Variants in ABCA9 observed in about 807,000 individuals in gnomAD.
The protein encoded by ABCA9 is ATP-binding cassette sub-family A member 9.
A neutral mutation model predicts 205.3 loss-of-function variants in ABCA9; 183 were observed. The ratio of observed to expected loss-of-function variants is 0.89; its 90% CI spans 0.79 to 1.01. The LOEUF (loss-of-function observed/expected upper bound fraction) is 1.01, where lower values mean the gene tolerates loss of function less well. ABCA9 is among the 50% of genes least tolerant of loss of function. ABCA9 has a pLI of 0.00. For missense variants in ABCA9, 1,805 were observed against 1,912.4 expected (o/e 0.94, Z 1.05); for synonymous variants, 651 against 683.3 (o/e 0.95, Z 0.74).
rs547401577 is a variant in ABCA9 at position 68,978,042 on chromosome 17, G to A, written c.4721-1852C>T. ...GATATTCTTGTTAACTTTCTGTCTC[G>A]ATCTGTCTAATGTTGACAGTGGGGT... On this transcript the variant is annotated intron_variant, in intron 37 of 38. Transcript: ENST00000340001. Among the ~76,000 whole-genome samples, 22 of 152,212 alleles carry A rather than the reference G, an allele frequency of 1.4e-4. 1 individual carries two copies. The highest frequency in any genetic ancestry group is 4.6e-4 in the African/African-American group (19 of 41,528).
chr17:68,986,207 C>T lies in ABCA9; in HGVS notation c.4165G>A (p.Val1389Met), dbSNP rs762421040. The T allele has an allele frequency of 2.2e-5, 36 of 1,613,276 alleles. No individual in the cohort carries two copies. The highest frequency in any genetic ancestry group is 1.7e-4 in the South Asian group (15 of 90,906). ...VRQHLEVYAAVKGLRKGDAMI... is the reference protein window; with the variant it reads ...VRQHLEVYAAMKGLRKGDAMI... ...GCGTCCCCTTTCCTGAGACCTTTCA[C>T]GGCAGCGTACACCTCCAGGTGCTGC... The change falls in exon 32 of 39, where the codon GTG (valine) becomes ATG (methionine). Residue 1389 changes from valine (V) to methionine (M), a missense_variant. Coordinates refer to ENST00000340001, the MANE Select transcript of ABCA9 (RefSeq NM_080283.4).
rs531115649 is a variant in ABCA9, at chr17:69,019,255, A to T, written c.2601-676T>A. 3.9e-5 allele frequency among the ~76,000 whole-genome samples: 6 copies of T among 152,260 alleles called. No individual in the cohort carries two copies. In the South Asian group the frequency reaches 1.2e-3, roughly 32 times the overall value. ...GCACAATTACCCAATTAAGCTTCTTAACATTTTGTTGACATTATGTCAATT... is the reference window on the plus strand; with the variant it reads ...GCACAATTACCCAATTAAGCTTCTTTACATTTTGTTGACATTATGTCAATT... On this transcript the variant is annotated intron_variant, in intron 19 of 38. Coordinates refer to ENST00000340001, the MANE Select transcript of ABCA9 (RefSeq NM_080283.4).
intron 25 of ABCA9, among the ~76,000 whole-genome samples, chr17:68,999,179 G>A (rs1207597528): frequency 1.3e-5 from 2 of 149,372 alleles, no homozygotes; most frequent in Non-Finnish European, 3.0e-5. Context: ...ACATTGTGCA[G>A]GTTAGTTACA....
At position 68,982,764 on chromosome 17, in the gene ABCA9, G is replaced by A. The variant is rs142479076; in HGVS notation, c.4641-123C>T. ...CCATGCCTGTAACCACTGCAATTTG[G>A]GAGGCCAAGAAGGGAAGATTGCTTG... On this transcript the variant is annotated intron_variant, in intron 36 of 38. Transcript: ENST00000340001. 409 of 683,614 alleles carry A rather than the reference G, an allele frequency of 6.0e-4. 1 individual carries two copies. In the African/African-American group the frequency reaches 6.4e-3, roughly 11 times the overall value. 42.3% of individuals were successfully genotyped at this position (683,614 alleles called of 1,614,324 possible).
rs573434075 is a variant in ABCA9, at chr17:69,001,090, T to C, written c.3436-5076A>G. ...ACAGGGACAATTTGACTTCCTCTTT[T>C]CCTAACTGAATACCCTTTATTTCCT... On this transcript the variant is annotated intron_variant, in intron 25 of 38. Transcript: ENST00000340001. Among the ~76,000 whole-genome samples, 663 of 152,168 alleles carry C rather than the reference T, an allele frequency of 4.4e-3. 6 individuals carry two copies. The highest frequency in any genetic ancestry group is 0.015 in the African/African-American group (635 of 41,456).
chr17:69,045,201 G>C lies in ABCA9; in HGVS notation c.440C>G (p.Pro147Arg). The C allele has an allele frequency of 6.2e-7, 1 of 1,612,616 alleles. No homozygotes were observed. The highest frequency in any genetic ancestry group is 8.5e-7 in the Non-Finnish European group (1 of 1,179,420). The change falls in exon 4 of 39, where the codon CCC (proline) becomes CGC (arginine). Residue 147 changes from proline (P) to arginine (R), a missense_variant. By Grantham distance (103) the Pro-to-Arg change is moderately radical (BLOSUM62 -2). Transcript: ENST00000340001. ...ATGGTCTCTGTGCTCTTTCATCATG[G>C]GGATTCTATGTCCCCAAGAAAACTT... ...HLKFSWGHRI[P>R]MMKEHRDHSA...
At chr17:69,033,303 C>CAAAAAAAAAAAAAAAAAAAA (rs374917872) in intron 9 of ABCA9, 1 of 86,842 alleles carries the variant, frequency 1.2e-5, no homozygotes, top group Non-Finnish European at 2.1e-5. Context: ...CGAGACTTCT[C>CAAAAAAAAAAAAAAAAAAAA]AAAAAAAAAA....
Position 68,982,608 on chromosome 17 carries a change from A to T in ABCA9, c.4674T>A (p.Val1558=). The T allele has an allele frequency of 6.2e-7, 1 of 1,614,106 alleles. No individual in the cohort carries two copies. Among genetic ancestry groups the T allele is most frequent in the Non-Finnish European group, 8.5e-7 (1 of 1,179,956 alleles). The change falls in exon 37 of 39, where the codon GTT becomes GTA. Residue 1558 remains valine, a synonymous_variant. Coordinates refer to ENST00000340001, the MANE Select transcript of ABCA9 (RefSeq NM_080283.4). The part of the protein sequence containing the change: ...FSSLMVYKLP[V]EDVRPLSQAF... ...CCTGTGATAAAGGTCGCACATCCTC[A>T]ACAGGCAACTTATAGACCATCAGGG...
intron 19 of ABCA9, among the ~76,000 whole-genome samples, chr17:69,019,495 C>T (rs2070743828): frequency 6.6e-6 from 1 of 152,124 alleles, no homozygotes; most frequent in Non-Finnish European, 1.5e-5. Context: ...CTCTCTTCTT[C>T]AAAATCTCCC....
At chr17:69,063,005 A>T (rs1164942676), upstream of ABCA9, among the ~76,000 whole-genome samples, 1 of 152,200 alleles carries the variant, frequency 6.6e-6, no homozygotes, top group Non-Finnish European at 1.5e-5. Context: ...CCCATGAGGT[A>T]GGCATTATTC....
chr17:69,011,544 A>G (rs989383672), intron 23 of ABCA9, among the ~76,000 whole-genome samples: 1 of 152,172 alleles, frequency 6.6e-6, no homozygotes, highest in Admixed American at 6.6e-5. Context: ...TTTATTTTTT[A>G]AAAACTCACA....
At chr17:69,007,280 A>G (rs1285239678) in intron 25 of ABCA9, among the ~76,000 whole-genome samples, 3 of 152,140 alleles carry the variant, frequency 2.0e-5, no homozygotes, top group African/African-American at 7.2e-5. Flanking sequence ...GCACACCTGT[A>G]ATCCTAGCTA....
intron 25 of ABCA9, among the ~76,000 whole-genome samples, chr17:69,005,499 A>G (rs1224714548): frequency 1.3e-5 from 2 of 152,152 alleles, no homozygotes; most frequent in Non-Finnish European, 2.9e-5. Flanking sequence ...TCAGTCACTC[A>G]TGTATACCTT....
rs1238311581 is a variant in ABCA9, at chr17:69,018,464, C to G, written c.2716G>C (p.Gly906Arg). Residue 906 changes from glycine to arginine, a missense_variant, in exon 20 of 39, where the codon GGA becomes CGA. Coordinates refer to ENST00000340001, the MANE Select transcript of ABCA9 (RefSeq NM_080283.4). ...LSPNTYFLSP[G>R]QQPQDPLTHL... ...GTCAGAGGATCCTGTGGTTGTTGTC[C>G]TGGTGAGAGGAAGTATGTATTTGGA... 1.2e-6 allele frequency: 2 copies of G among 1,607,030 alleles called. No individual in the cohort carries two copies. Among genetic ancestry groups the G allele is most frequent in the South Asian group, 2.2e-5 (2 of 90,074 alleles).
intron 16 of ABCA9, 68 bp downstream of exon 16, chr17:69,026,309 A>G: frequency 7.7e-7 from 1 of 1,294,840 alleles, no homozygotes; most frequent in Non-Finnish European, 1.1e-6. Flanking sequence ...TTACACATTG[A>G]TGCTGATACC....
intron 14 of ABCA9, 60 bp downstream of exon 14, chr17:69,027,270 C>G (rs1403653926): frequency 1.3e-6 from 2 of 1,576,880 alleles, no homozygotes; most frequent in Non-Finnish European, 1.7e-6. Flanking sequence ...ATTGTTTGAC[C>G]TAATAAAATA....
intron 6 of ABCA9, 141 bp downstream of exon 6, chr17:69,043,348 C>A: frequency 1.7e-6 from 1 of 600,458 alleles, no homozygotes; most frequent in Non-Finnish European, 2.9e-6. Flanking sequence ...TCACCTCCTG[C>A]TATGTGGCCT....
chr17:68,992,859 G>A (rs2069498848), intron 27 of ABCA9, among the ~76,000 whole-genome samples, 157 bp downstream of exon 27: 1 of 151,544 alleles, frequency 6.6e-6, no homozygotes, highest in Non-Finnish European at 1.5e-5. Context: ...CATCGTGTGT[G>A]TGTGTGTGTG....
intron 25 of ABCA9, among the ~76,000 whole-genome samples, chr17:69,006,511 C>A (rs1006601795): frequency 1.3e-5 from 2 of 152,152 alleles, no homozygotes; most frequent in Non-Finnish European, 2.9e-5. Context: ...TTCTAAATAA[C>A]CTATTGTCGA....
Sources: gnomAD v4.1 joint callset for allele counts (sites outside exome capture counted in the v4.1 genomes callset) on GRCh38, gnomAD v4.1.1 for gene constraint, MANE v1.5 for transcripts, NCBI Gene and HGNC (gene_info 2026-07-23, HGNC 2026-07-21) for gene names.